Variants in CEBPZOS observed in about 807,000 individuals in gnomAD.
CEBPZOS encodes protein CEBPZOS.
In CEBPZOS, 10 loss-of-function variants were observed where a neutral mutation model predicts 4.8. That is an observed-to-expected ratio of 2.07 (90% CI 1.28 to 3.52). CEBPZOS has a LOEUF of 3.52. Among genes scored for constraint, CEBPZOS ranks in the 30% most tolerant of loss-of-function variants. CEBPZOS has a pLI of 0.00. For missense variants in CEBPZOS, 98 were observed against 43.6 expected (o/e 2.25, Z -3.51); for synonymous variants, 25 against 14.2 (o/e 1.77, Z -1.72).
chr2:37,212,171 A>G, intron 4 of CEBPZOS: 3 of 982,002 alleles, frequency 3.1e-6, no homozygotes, highest in Non-Finnish European at 4.6e-6. Context: ...AGAGTAAATA[A>G]TAACGTGCTT....
At chr2:37,211,155 C>A in intron 4 of CEBPZOS, 2 of 999,538 alleles carry the variant, frequency 2.0e-6, no homozygotes, top group Non-Finnish European at 1.5e-6. Context: ...CCAAGATATG[C>A]TAAAATCTTT....
At position 37,199,058 on chromosome 2, in the gene CEBPZOS, G is replaced by A. The variant is rs138114954; in HGVS notation, c.-1-646G>A. 2.7e-3 allele frequency among the ~76,000 whole-genome samples: 415 copies of A among 152,306 alleles called. 3 individuals carry two copies. Among genetic ancestry groups the A allele is most frequent in the Non-Finnish European group, 4.2e-3 (288 of 68,030 alleles). ...GGTCCCAGCTGCTCGGGAGGCTGAG[G>A]TGGGAGGATTGTTTGAGCCCAGTGA... On this transcript the variant is annotated intron_variant, in intron 1 of 4. Coordinates refer to ENST00000402297, the MANE Select transcript of CEBPZOS (RefSeq NM_001322374.2).
chr2:37,200,569 T>C (rs917061390), intron 2 of CEBPZOS, among the ~76,000 whole-genome samples: 7 of 152,158 alleles, frequency 4.6e-5, no homozygotes, highest in Admixed American at 2.6e-4. Context: ...GTGTGATGGC[T>C]TGCACTTGTA....
At chr2:37,214,925 T>C, downstream of CEBPZOS, 1 of 1,610,404 alleles carries the variant, frequency 6.2e-7, no homozygotes, top group Non-Finnish European at 8.5e-7. Flanking sequence ...TTGGCTTTCT[T>C]CTTTTGCAAG....
At chr2:37,197,410 G>A (rs944753882) in intron 1 of CEBPZOS, 2 of 152,218 alleles carry the variant, frequency 1.3e-5, no homozygotes, top group African/African-American at 4.8e-5. Flanking sequence ...TATACACCAA[G>A]GCAGCCGTAC....
chr2:37,213,691 G>C, exon 5 of CEBPZOS: 2 of 526,586 alleles, frequency 3.8e-6, no homozygotes, highest in Non-Finnish European at 6.6e-6. Flanking sequence ...TGGGATTACA[G>C]GTGTGAGCCA....
chr2:37,200,951 C>CA, intron 2 of CEBPZOS, 97 bp from the exon 3 acceptor site: 2 of 668,802 alleles, frequency 3.0e-6, no homozygotes. Flanking sequence ...ATATGGTTCC[C>CA]ATCATATGGA....
chr2:37,212,129 G>T (rs958486461), intron 4 of CEBPZOS: 13 of 1,163,614 alleles, frequency 1.1e-5, no homozygotes, highest in South Asian at 1.5e-5. Context: ...GCTATTAAAT[G>T]ACTCAGAAGG....
At chr2:37,200,656 C>G (rs868157727) in intron 2 of CEBPZOS, among the ~76,000 whole-genome samples, 41 of 75,044 alleles carry the variant, frequency 5.5e-4, no homozygotes, top group African/African-American at 2.4e-3. Context: ...GACACTGTAT[C>G]TTAAGAAAAA....
intron 4 of CEBPZOS, chr2:37,211,207 T>C: frequency 3.6e-6 from 2 of 559,612 alleles, no homozygotes; most frequent in South Asian, 2.8e-5. Context: ...CATGTGGGTT[T>C]TGTAATTCCA....
chr2:37,208,509 T>C (rs946614043), downstream of CEBPZOS, among the ~76,000 whole-genome samples: 5 of 152,092 alleles, frequency 3.3e-5, no homozygotes, highest in Non-Finnish European at 2.9e-5. Context: ...TCAATAAATA[T>C]GATATACCAC....
At chr2:37,205,054 C>G (rs555090249), downstream of CEBPZOS, among the ~76,000 whole-genome samples, 110 of 152,262 alleles carry the variant, frequency 7.2e-4, no homozygotes, top group African/African-American at 2.6e-3. Flanking sequence ...ATCTTAGATA[C>G]TCAAGGGAAG....
chr2:37,209,343 C>G (rs1486165319), downstream of CEBPZOS: 2 of 152,088 alleles, frequency 1.3e-5, no homozygotes, highest in Non-Finnish European at 2.9e-5. Flanking sequence ...CCAAGCAAGA[C>G]TAAACAAAAA....
chr2:37,214,393 G>C (rs1408213815), downstream of CEBPZOS, among the ~76,000 whole-genome samples: 3 of 152,064 alleles, frequency 2.0e-5, no homozygotes, highest in African/African-American at 7.2e-5. Context: ...TTCTATAACA[G>C]TGCACTGAAT....
chr2:37,196,691 G>A (rs1195375276), intron 1 of CEBPZOS, 171 bp downstream of exon 1: 1 of 133,288 alleles, frequency 7.5e-6, no homozygotes, highest in Non-Finnish European at 1.7e-5. Flanking sequence ...CGGGTCGCTA[G>A]GCGGCCGTGG....
intron 4 of CEBPZOS, chr2:37,212,578 T>C (rs1051155624): frequency 1.3e-5 from 7 of 545,582 alleles, no homozygotes; most frequent in Non-Finnish European, 2.2e-5. Context: ...ATACTGATCT[T>C]AGTTAAATCC....
downstream of CEBPZOS, among the ~76,000 whole-genome samples, chr2:37,205,795 TTTTTC>T (rs1394467286): frequency 6.6e-5 from 10 of 152,232 alleles, no homozygotes; most frequent in Admixed American, 1.3e-4. Flanking sequence ...ATACAGCACT[TTTTTC>T]TTTTATTAGC....
chr2:37,216,034 G>T, downstream of CEBPZOS: 22 of 717,072 alleles, frequency 3.1e-5, no homozygotes, highest in African/African-American at 3.8e-5. Flanking sequence ...TAATGTCTTT[G>T]ATGCTCAGGT....
downstream of CEBPZOS, chr2:37,215,983 C>A (rs1677857709): frequency 1.6e-5 from 7 of 433,604 alleles, no homozygotes; most frequent in African/African-American, 2.2e-5. Context: ...CAGTCAGATA[C>A]AGTAGATTTA....
Sources: gnomAD v4.1 joint callset for allele counts (sites outside exome capture counted in the v4.1 genomes callset) on GRCh38, gnomAD v4.1.1 for gene constraint, MANE v1.5 for transcripts, NCBI Gene and HGNC (gene_info 2026-07-23, HGNC 2026-07-21) for gene names.